Variants in IHO1 observed in about 807,000 individuals in gnomAD.
IHO1 encodes interactor of HORMAD1 protein 1.
A neutral mutation model predicts 31.0 loss-of-function variants in IHO1; 13 were observed. That is an observed-to-expected ratio of 0.42 (90% CI 0.27 to 0.67). IHO1 has a LOEUF of 0.67. Among genes scored for constraint, IHO1 ranks in the 30% least tolerant of loss-of-function variants. The probability of loss-of-function intolerance (pLI) is 0.24; values close to 1 mark genes in which losing one functional copy is unlikely to be tolerated. For missense variants in IHO1, 599 were observed against 687.5 expected (o/e 0.87, Z 1.44); for synonymous variants, 221 against 248.4 (o/e 0.89, Z 1.04).
intron 3 of IHO1, among the ~76,000 whole-genome samples, chr3:49,237,219 G>A (rs1370281423): frequency 6.6e-6 from 1 of 151,696 alleles, no homozygotes; most frequent in Admixed American, 6.6e-5. Flanking sequence ...GTGGTGGCAG[G>A]CGCCTGTAAT....
chr3:49,250,420 A>G (rs2046746474), intron 6 of IHO1, among the ~76,000 whole-genome samples: 1 of 152,228 alleles, frequency 6.6e-6, no homozygotes, highest in African/African-American at 2.4e-5. Flanking sequence ...AACTGAATGT[A>G]TGGGACCTCA....
chr3:49,247,305 C>T (rs1466319115), intron 6 of IHO1, among the ~76,000 whole-genome samples: 2 of 151,928 alleles, frequency 1.3e-5, no homozygotes, highest in African/African-American at 2.4e-5. Context: ...TCTCGGTTCA[C>T]TGCAACCTCT....
At chr3:49,231,722 A>C (rs2046484177) in intron 2 of IHO1, among the ~76,000 whole-genome samples, 1 of 152,216 alleles carries the variant, frequency 6.6e-6, no homozygotes, top group Non-Finnish European at 1.5e-5. Flanking sequence ...AGGACCTTTA[A>C]CTGAAGGAAA....
intron 6 of IHO1, among the ~76,000 whole-genome samples, chr3:49,251,073 C>T (rs1022499659): frequency 2.6e-5 from 4 of 151,814 alleles, no homozygotes; most frequent in Non-Finnish European, 4.4e-5. Context: ...GTTAGTTTAG[C>T]GGTTCCATTT....
At position 49,241,369 on chromosome 3, in the gene IHO1, G is replaced by A; in HGVS notation, c.375G>A (p.Arg125=). 1.9e-6 allele frequency: 3 copies of A among 1,609,354 alleles called. No individual in the cohort carries two copies. The highest frequency in any genetic ancestry group is 2.5e-6 in the Non-Finnish European group (3 of 1,178,286). ...LLEQFEEKKK[R]AKDKCDSETL... ...AACAGTTTGAGGAGAAAAAGAAAAG[G>A]GCAAAAGACAAATGTGACAGGTATG... The change falls in exon 4 of 8, where the codon AGG becomes AGA. Residue 125 remains arginine (R), a synonymous_variant. Coordinates refer to ENST00000452691, the MANE Select transcript of IHO1 (RefSeq NM_001135197.2).
chr3:49,214,607 C>CATATATATATATATATACATATAT (rs1553616584), intron 2 of IHO1, among the ~76,000 whole-genome samples: 1 of 24,792 alleles, frequency 4.0e-5, no homozygotes, highest in Non-Finnish European at 6.7e-5. Context: ...ATTTCTAGAT[C>CATATATATATATATATACATATAT]ATATATATAT....
intron 2 of IHO1, among the ~76,000 whole-genome samples, chr3:49,229,029 G>C (rs755874600): frequency 2.0e-5 from 3 of 152,064 alleles, no homozygotes; most frequent in Admixed American, 6.6e-5. Flanking sequence ...GCTAGACACA[G>C]AGTGCTGATT....
intron 2 of IHO1, among the ~76,000 whole-genome samples, chr3:49,231,837 C>A (rs11720460): frequency 0.094 from 14,251 of 152,222 alleles, 742 homozygotes; most frequent in Middle Eastern, 0.11. Flanking sequence ...TACAGCATTA[C>A]CTGGAAAGAA....
chr3:49,246,133 G>T (rs929516090), intron 6 of IHO1, among the ~76,000 whole-genome samples: 12 of 144,818 alleles, frequency 8.3e-5, no homozygotes, highest in Admixed American at 7.1e-5. Context: ...AGTGAGCTGA[G>T]ATGGCGCCAC....
chr3:49,229,897 T>C (rs2046461007), intron 2 of IHO1, among the ~76,000 whole-genome samples: 1 of 152,232 alleles, frequency 6.6e-6, no homozygotes, highest in South Asian at 2.1e-4. Flanking sequence ...GCACAAGTTC[T>C]AATTCCTGAG....
In IHO1 at chr3:49,256,224, G is replaced by T; in HGVS notation, c.727G>T (p.Glu243Ter). ...GAGTCAGGAATTCCAGCAGCTGTGT[G>T]AGCAGCTAGGCCAGCTGAATGTGCC... ...QQSQEFQQLCEQLGQLNVPSV... is the reference protein window; with the variant it reads ...QQSQEFQQLC Residue 243 changes from glutamate (E) to a stop codon, truncating the protein, a stop_gained, in exon 8 of 8, where the codon GAG becomes TAG. Transcript: ENST00000452691. LOFTEE classifies it low-confidence loss of function (END_TRUNC). The surrounding 1 kb of genome is among the most constrained non-coding windows in gnomAD (Gnocchi z 4.6). 4 of 1,614,160 alleles carry T rather than the reference G, an allele frequency of 2.5e-6. No homozygotes were observed. Among genetic ancestry groups the T allele is most frequent in the Non-Finnish European group, 3.4e-6 (4 of 1,180,002 alleles).
chr3:49,230,328 C>T (rs1466131999), intron 2 of IHO1, among the ~76,000 whole-genome samples: 1 of 152,208 alleles, frequency 6.6e-6, no homozygotes, highest in African/African-American at 2.4e-5. Flanking sequence ...ATTGCCTTCT[C>T]CTGCTATGAT....
intron 2 of IHO1, among the ~76,000 whole-genome samples, chr3:49,217,890 T>G (rs988291181): frequency 5.9e-5 from 9 of 152,180 alleles, no homozygotes; most frequent in African/African-American, 2.2e-4. Flanking sequence ...AGAGCTCAGA[T>G]GGTAATAGAG....
intron 2 of IHO1, among the ~76,000 whole-genome samples, chr3:49,224,707 C>T (rs1011451153): frequency 6.6e-6 from 1 of 151,858 alleles, no homozygotes; most frequent in Non-Finnish European, 1.5e-5. Flanking sequence ...GAACTTCCAT[C>T]GGTATATAGG....
intron 2 of IHO1, among the ~76,000 whole-genome samples, chr3:49,214,606 T>TCATATATATATATATATATATA (rs2046261653): frequency 4.0e-5 from 2 of 49,518 alleles, no homozygotes; most frequent in Admixed American, 3.4e-4. Context: ...TATTTCTAGA[T>TCATATATATATATATATATATA]CATATATATA....
intron 1 of IHO1, among the ~76,000 whole-genome samples, chr3:49,206,916 C>A (rs1163693473): frequency 3.3e-5 from 5 of 151,828 alleles, no homozygotes; most frequent in Non-Finnish European, 2.9e-5. Flanking sequence ...GGTGTGGTGG[C>A]AGATGCCTGT....
intron 1 of IHO1, chr3:49,200,517 A>AAGAAAGAAAGAAAGAAAG (rs1553615521): frequency 4.2e-6 from 4 of 944,316 alleles, no homozygotes; most frequent in South Asian, 1.0e-4. Context: ...GAAAGAAAGA[A>AAGAAAGAAAGAAAGAAAG]AAGAAAAAAG....
chr3:49,225,794 C>T (rs369129264), intron 2 of IHO1, among the ~76,000 whole-genome samples: 97 of 152,270 alleles, frequency 6.4e-4, no homozygotes, highest in Admixed American at 2.0e-3. Flanking sequence ...GACAGTCGCC[C>T]GGGACAGGAG....
intron 1 of IHO1, among the ~76,000 whole-genome samples, chr3:49,208,231 C>G (rs1486102719): frequency 6.6e-6 from 1 of 152,178 alleles, no homozygotes; most frequent in Non-Finnish European, 1.5e-5. Context: ...ATTTAGTTCC[C>G]TAGAACAGGG....
Sources: allele counts gnomAD v4.1 joint callset (sites outside exome capture counted in the v4.1 genomes callset), GRCh38; gene constraint gnomAD v4.1.1; non-coding constraint Gnocchi (gnomAD v3.1); transcripts MANE v1.5; gene names NCBI Gene and HGNC (gene_info 2026-07-23, HGNC 2026-07-21).